DPP6: variants seen among roughly 807,000 people sequenced by gnomAD.
DPP6 encodes the protein A-type potassium channel modulatory protein DPP6.
A neutral mutation model predicts 122.6 loss-of-function variants in DPP6; 69 were observed. The ratio of observed to expected loss-of-function variants is 0.56; its 90% confidence interval spans 0.46 to 0.69. The LOEUF (loss-of-function observed/expected upper bound fraction) is 0.69. Ranked by LOEUF, DPP6 falls within the 30% of genes least tolerant of loss-of-function variation. The pLI, the probability that DPP6 is intolerant of heterozygous loss-of-function variation, is 0.00. For synonymous variants in DPP6, 418 were observed against 433.1 expected (o/e 0.97, Z 0.43); for missense variants, 928 against 1,116.9 (o/e 0.83, Z 2.41).
chr7:154,171,812 T>TTATATA (rs58751437), intron 1 of DPP6, among the ~76,000 whole-genome samples: 115,038 of 151,272 alleles, frequency 0.76, 43,929 homozygotes, highest in East Asian at 0.95. Context: ...CCCACCATTC[T>TTATATA]TATATGATAT....
intron 1 of DPP6, among the ~76,000 whole-genome samples, chr7:153,955,007 C>T (rs979215837): frequency 5.9e-5 from 9 of 152,254 alleles, no homozygotes; most frequent in Admixed American, 4.6e-4. Flanking sequence ...GGGTGTGTAG[C>T]ATTGGGGCAA....
At chr7:154,065,342 C>G (rs1802625919) in intron 1 of DPP6, among the ~76,000 whole-genome samples, 1 of 132,918 alleles carries the variant, frequency 7.5e-6, no homozygotes, top group Non-Finnish European at 1.6e-5. Context: ...CCTCCCATCA[C>G]TCTTTGAGGG....
At chr7:153,887,956 C>T (rs113109636) in intron 1 of DPP6, among the ~76,000 whole-genome samples, 3 of 152,212 alleles carry the variant, frequency 2.0e-5, no homozygotes, top group African/African-American at 7.2e-5. Flanking sequence ...TGCGGCTCCG[C>T]GGCCCCTCTC....
intron 1 of DPP6, among the ~76,000 whole-genome samples, chr7:154,157,112 G>A (rs2150699074): frequency 1.3e-5 from 2 of 152,376 alleles, no homozygotes; most frequent in East Asian, 1.9e-4. Context: ...TCACATTTTG[G>A]TTATTCTGAA....
intron 2 of DPP6, among the ~76,000 whole-genome samples, chr7:154,458,156 T>A (rs1820962012): frequency 6.6e-6 from 1 of 152,086 alleles, no homozygotes; most frequent in South Asian, 2.1e-4. Context: ...CTCACCCAAA[T>A]CTCATCTTGA....
In DPP6 at chr7:154,739,080, G is replaced by C. The variant is rs114702600; in HGVS notation, c.883+11193G>C. On this transcript the variant is annotated intron_variant, in intron 8 of 25. Transcript: ENST00000377770. Reference sequence around the variant, plus strand: ...CAGCCACACTAGTGGAAAGGGGAGTGTTCCGGAGGGACACAAGCTGGGGAA... The same window carrying C: ...CAGCCACACTAGTGGAAAGGGGAGTCTTCCGGAGGGACACAAGCTGGGGAA... 4.6e-3 allele frequency among the ~76,000 whole-genome samples: 699 copies of C among 152,304 alleles called. 7 individuals are homozygous for C. The highest frequency in any genetic ancestry group is 0.016 in the African/African-American group (656 of 41,562).
chr7:154,891,776 C>T (rs796440201), intron 25 of DPP6, among the ~76,000 whole-genome samples: 1 of 152,078 alleles, frequency 6.6e-6, no homozygotes, highest in South Asian at 2.1e-4. Context: ...AGTAGAGACA[C>T]GGTTTTACCG....
At chr7:153,950,714 G>A (rs1203966988) in intron 1 of DPP6, among the ~76,000 whole-genome samples, 2 of 152,202 alleles carry the variant, frequency 1.3e-5, no homozygotes, top group South Asian at 2.1e-4. Context: ...TTGCCAGTTG[G>A]GTGGATGCTG....
chr7:154,031,119 G>A (rs1434553830), intron 1 of DPP6, among the ~76,000 whole-genome samples: 2 of 152,042 alleles, frequency 1.3e-5, no homozygotes, highest in Non-Finnish European at 2.9e-5. Context: ...CCCCCAGGGC[G>A]AATACAATCC....
At chr7:154,684,495 T>C (rs1839480953) in intron 7 of DPP6, among the ~76,000 whole-genome samples, 1 of 152,258 alleles carries the variant, frequency 6.6e-6, no homozygotes, top group Non-Finnish European at 1.5e-5. Context: ...AATTACTTTT[T>C]TCAATTTAAG....
the DPP6 span, among the ~76,000 whole-genome samples, chr7:153,749,534 A>G: frequency 6.6e-6 from 1 of 152,114 alleles, no homozygotes; most frequent in African/African-American, 2.4e-5. The surrounding 1 kb of genome is among the most constrained non-coding windows in gnomAD (Gnocchi z 4.1). Flanking sequence ...TATTTCCAGG[A>G]AATTAGTGAC....
At chr7:154,439,044 C>T (rs892071928) in intron 1 of DPP6, among the ~76,000 whole-genome samples, 8 of 152,134 alleles carry the variant, frequency 5.3e-5, no homozygotes, top group African/African-American at 9.7e-5. Flanking sequence ...GGTGGCAAGC[C>T]CTTTTTAAAA....
At chr7:153,922,974 T>C (rs1481613493) in intron 1 of DPP6, among the ~76,000 whole-genome samples, 1 of 152,228 alleles carries the variant, frequency 6.6e-6, no homozygotes, top group East Asian at 1.9e-4. Context: ...GTTGGGACTC[T>C]TTGATCATTT....
chr7:154,332,384 C>T (rs928795297), intron 1 of DPP6, among the ~76,000 whole-genome samples: 1 of 152,194 alleles, frequency 6.6e-6, no homozygotes, highest in Non-Finnish European at 1.5e-5. Context: ...GGTTTTCAAA[C>T]TTTAATGTGC....
chr7:153,799,326 C>T, the DPP6 span, among the ~76,000 whole-genome samples: 1 of 152,172 alleles, frequency 6.6e-6, no homozygotes, highest in African/African-American at 2.4e-5. Context: ...TACCCATCTT[C>T]AATCTTATAA....
chr7:154,533,347 A>G (rs1827991306), intron 3 of DPP6, among the ~76,000 whole-genome samples: 1 of 152,206 alleles, frequency 6.6e-6, no homozygotes, highest in Non-Finnish European at 1.5e-5. Flanking sequence ...TGACATGGAC[A>G]AATCATCAAA....
chr7:154,564,579 G>T (rs1830622934), intron 4 of DPP6, among the ~76,000 whole-genome samples: 1 of 152,118 alleles, frequency 6.6e-6, no homozygotes, highest in African/African-American at 2.4e-5. Context: ...TTCACCCGTG[G>T]ATATCTATTC....
At chr7:154,333,072 A>G (rs1285598693) in intron 1 of DPP6, among the ~76,000 whole-genome samples, 1 of 152,178 alleles carries the variant, frequency 6.6e-6, no homozygotes, top group Non-Finnish European at 1.5e-5. Flanking sequence ...AGACAGCTCT[A>G]TGCCTCCACG....
intron 1 of DPP6, among the ~76,000 whole-genome samples, chr7:154,440,196 C>T (rs2151276680): frequency 6.6e-6 from 1 of 152,274 alleles, no homozygotes; most frequent in Non-Finnish European, 1.5e-5. Context: ...CGTCTTCCAC[C>T]ACCACCACAT....
Sources: gnomAD v4.1 joint callset for allele counts (sites outside exome capture counted in the v4.1 genomes callset) on GRCh38, gnomAD v4.1.1 for gene constraint, Gnocchi (gnomAD v3.1) non-coding constraint, MANE v1.5 for transcripts, NCBI Gene and HGNC (gene_info 2026-07-23, HGNC 2026-07-21) for gene names.